Variants in RBFOX1 observed in about 807,000 individuals in gnomAD.
RBFOX1 encodes RNA binding protein fox-1 homolog 1.
A neutral mutation model predicts 57.7 loss-of-function variants in RBFOX1; 8 were observed. That is an observed-to-expected ratio of 0.14 (90% CI 0.08 to 0.25). The LOEUF (loss-of-function observed/expected upper bound fraction) is 0.25, where lower values mean the gene tolerates loss of function less well. Among genes scored for constraint, RBFOX1 ranks in the 10% least tolerant of loss-of-function variants. The pLI is 1.00. For missense variants in RBFOX1, 611 were observed against 548.5 expected, an observed-to-expected ratio of 1.11 and a Z score of -1.14; for synonymous variants, 326 against 222.4, an observed-to-expected ratio of 1.47 and a Z score of -4.15.
Position 6,954,769 on chromosome 16 carries a change from A to T in RBFOX1, c.-15-97288A>T, listed in dbSNP as rs1057214558. On this transcript the variant is annotated intron_variant, in intron 3 of 15. Coordinates refer to ENST00000550418, the MANE Select transcript of RBFOX1 (RefSeq NM_018723.4). Reference sequence around the variant, plus strand: ...GCCCTCCAGAGGATCTTAAATCATCACCTGACTTGAGCACCCAGTTTGAAG... The same window carrying T: ...GCCCTCCAGAGGATCTTAAATCATCTCCTGACTTGAGCACCCAGTTTGAAG... Among the ~76,000 whole-genome samples the T allele has an allele frequency of 2.0e-5, 3 of 152,232 alleles. No individual in the cohort carries two copies. In the East Asian group the frequency reaches 5.8e-4, roughly 29 times the overall value.
At chr16:6,663,194 G>A (rs538310380) in intron 3 of RBFOX1, among the ~76,000 whole-genome samples, 1 of 152,226 alleles carries the variant, frequency 6.6e-6, no homozygotes, top group African/African-American at 2.4e-5. Context: ...TCAAGAGACT[G>A]GATAAGTCCT....
At chr16:5,903,116 G>A (rs1771829667) in intron 4 of RBFOX1, among the ~76,000 whole-genome samples, 1 of 152,076 alleles carries the variant, frequency 6.6e-6, no homozygotes, top group Non-Finnish European at 1.5e-5. Flanking sequence ...GTGTGTGGGT[G>A]TGGGTGTGTG....
At chr16:7,403,280 A>G (rs1011466089) in intron 4 of RBFOX1, among the ~76,000 whole-genome samples, 1 of 152,108 alleles carries the variant, frequency 6.6e-6, no homozygotes, top group Non-Finnish European at 1.5e-5. Flanking sequence ...CAAGTATACA[A>G]TACAGTATCA....
intron 3 of RBFOX1, among the ~76,000 whole-genome samples, chr16:6,780,312 T>C (rs1273671331): frequency 2.9e-5 from 2 of 69,600 alleles, no homozygotes; most frequent in Non-Finnish European, 4.4e-5. Context: ...CATATATATA[T>C]TTATTCATAT....
Position 7,057,565 on chromosome 16 carries a change from G to C in RBFOX1, c.27+5467G>C, listed in dbSNP as rs1257218192. ...CTCGTTACAAATTCCTGGAAAAGGA[G>C]CCTGATTGGCTTAGTCTGGATCAGT... On this transcript the variant is annotated intron_variant, in intron 4 of 15. Coordinates refer to ENST00000550418, the MANE Select transcript of RBFOX1 (RefSeq NM_018723.4). 3.9e-5 allele frequency among the ~76,000 whole-genome samples: 6 copies of C among 152,188 alleles called. No individual in the cohort carries two copies. The East Asian group carries it at 9.7e-4, about 24-fold the overall frequency.
intron 4 of RBFOX1, among the ~76,000 whole-genome samples, chr16:6,007,991 T>A (rs957550209): frequency 3.3e-5 from 5 of 152,172 alleles, no homozygotes; most frequent in African/African-American, 2.4e-5. Flanking sequence ...CTTGGGCAGA[T>A]CACTTGAGGT....
In RBFOX1 at chr16:7,287,019, T is replaced by C. The variant is rs186034240; in HGVS notation, c.28-231128T>C. On this transcript the variant is annotated intron_variant, in intron 4 of 15. Transcript: ENST00000550418. ...CCTCATTGAACATGAACGCAGGCAA[T>C]GCGTGATAGAAGCTGTAGGAGTGTG... Among the ~76,000 whole-genome samples the C allele has an allele frequency of 7.2e-5, 11 of 152,244 alleles. No individual in the cohort carries two copies. In the South Asian group the frequency reaches 1.9e-3, roughly 26 times the overall value.
At position 5,994,782 on chromosome 16, in the gene RBFOX1, C is replaced by A. The variant is rs80119979; in HGVS notation, c.351+127447C>A. Among the ~76,000 whole-genome samples the A allele has an allele frequency of 7.3e-3, 1,116 of 152,306 alleles. 26 individuals carry two copies. The highest frequency in any genetic ancestry group is 0.026 in the African/African-American group (1,064 of 41,548). On this transcript the variant is annotated intron_variant, in intron 4 of 19. Transcript: ENST00000641259. ...TGAGCCCTACTCCACACCACAAATT[C>A]CTCCTGGGCAAGTCTCTTTTCTTCT...
In RBFOX1 at chr16:5,527,977, T is replaced by A. The variant is rs547948716; in HGVS notation, c.258+60723T>A. On this transcript the variant is annotated intron_variant, in intron 2 of 2. Coordinates refer to the RBFOX1 transcript ENST00000585867. ...TTAGTGTGAATTGCCTGTCAGGATG[T>A]TTAAACAGCCCCTCAGAGCACCTAA... Among the ~76,000 whole-genome samples the A allele has an allele frequency of 1.2e-4, 19 of 152,278 alleles. No homozygotes were observed. The East Asian group carries it at 3.7e-3, about 29-fold the overall frequency.
chr16:6,711,185 G>A (rs2063647962), intron 3 of RBFOX1, among the ~76,000 whole-genome samples: 1 of 152,152 alleles, frequency 6.6e-6, no homozygotes, highest in Admixed American at 6.5e-5. Context: ...CCACCATGGG[G>A]ACCATCATCC....
intron 3 of RBFOX1, among the ~76,000 whole-genome samples, chr16:6,712,720 C>T (rs1313793427): frequency 1.3e-5 from 2 of 152,064 alleles, no homozygotes; most frequent in African/African-American, 2.4e-5. Flanking sequence ...CACTTCTCCC[C>T]ACCTCCCCTC....
At chr16:7,505,145 A>G (rs1046959153) in intron 4 of RBFOX1, among the ~76,000 whole-genome samples, 2 of 151,514 alleles carry the variant, frequency 1.3e-5, no homozygotes, top group Non-Finnish European at 2.9e-5. Flanking sequence ...TTTTTATTCA[A>G]CAAAACATTT....
chr16:6,828,843 C>A (rs2092450951), intron 3 of RBFOX1, among the ~76,000 whole-genome samples: 1 of 152,150 alleles, frequency 6.6e-6, no homozygotes, highest in Non-Finnish European at 1.5e-5. Flanking sequence ...TCCACCCTTT[C>A]CCAGGAATTT....
At chr16:6,738,938 A>C (rs2071245096) in intron 3 of RBFOX1, among the ~76,000 whole-genome samples, 1 of 152,228 alleles carries the variant, frequency 6.6e-6, no homozygotes, top group Non-Finnish European at 1.5e-5. Flanking sequence ...CATTGAACTT[A>C]ATGAAAATAA....
At chr16:6,021,271 A>G (rs1437204903) in intron 1 of RBFOX1, among the ~76,000 whole-genome samples, 1 of 152,122 alleles carries the variant, frequency 6.6e-6, no homozygotes, top group Non-Finnish European at 1.5e-5. Flanking sequence ...AGTTTAGGAC[A>G]TGCCCCAGCC....
chr16:6,501,402 G>A (rs1397288243), intron 2 of RBFOX1, among the ~76,000 whole-genome samples: 1 of 143,808 alleles, frequency 7.0e-6, no homozygotes, highest in Non-Finnish European at 1.5e-5. Flanking sequence ...TTGTTTTTTT[G>A]TCCTTGCGAT....
chr16:7,661,989 G>A (rs2067879537), intron 12 of RBFOX1, among the ~76,000 whole-genome samples: 1 of 151,560 alleles, frequency 6.6e-6, no homozygotes, highest in Admixed American at 6.6e-5. Flanking sequence ...TTGACATGGA[G>A]GCACAAAACT....
chr16:6,472,478 G>A (rs943283768), intron 2 of RBFOX1, among the ~76,000 whole-genome samples: 2 of 152,170 alleles, frequency 1.3e-5, no homozygotes, highest in Non-Finnish European at 2.9e-5. Flanking sequence ...TGGGGGTCTT[G>A]TTGCATCCTG....
chr16:5,275,601 A>T (rs916353960), intron 1 of RBFOX1, among the ~76,000 whole-genome samples: 2 of 152,216 alleles, frequency 1.3e-5, no homozygotes, highest in African/African-American at 4.8e-5. Context: ...TGTGAAAATG[A>T]CCATACTGCC....
Sources: allele counts gnomAD v4.1 joint callset (sites outside exome capture counted in the v4.1 genomes callset), GRCh38; gene constraint gnomAD v4.1.1; transcripts MANE v1.5; gene names NCBI Gene and HGNC (gene_info 2026-07-23, HGNC 2026-07-21).